RGS5: variants seen among roughly 807,000 people sequenced by gnomAD.
The protein encoded by RGS5 is regulator of G protein signaling 5.
In RGS5, 20 loss-of-function variants were observed where a neutral mutation model predicts 18.9. The ratio of observed to expected loss-of-function variants is 1.06; its 90% CI spans 0.74 to 1.54. The LOEUF (loss-of-function observed/expected upper bound fraction) is 1.54. Among genes scored for constraint, RGS5 ranks in the 40% most tolerant of loss-of-function variants. RGS5 has a pLI of 0.00. For missense variants in RGS5, 201 were observed against 211.8 expected, an observed-to-expected ratio of 0.95 and a Z score of 0.32; for synonymous variants, 57 against 76.2, an observed-to-expected ratio of 0.75 and a Z score of 1.31.
chr1:163,177,925 C>T (rs1289444697), intron 1 of RGS5, among the ~76,000 whole-genome samples: 1 of 152,116 alleles, frequency 6.6e-6, no homozygotes, highest in African/African-American at 2.4e-5. Context: ...ATTTGTTTTC[C>T]AAAACCCCAA....
At chr1:163,273,265 T>C (rs1383013637) in intron 2 of RGS5, among the ~76,000 whole-genome samples, 1 of 152,126 alleles carries the variant, frequency 6.6e-6, no homozygotes, top group Non-Finnish European at 1.5e-5. Context: ...GTTGATAGCA[T>C]TGCTCAAATT....
intron 1 of RGS5, among the ~76,000 whole-genome samples, chr1:163,191,825 T>C (rs1659371041): frequency 1.3e-5 from 2 of 152,178 alleles, no homozygotes; most frequent in Non-Finnish European, 2.9e-5. Context: ...CAAACTATGA[T>C]GAGAAGCTTG....
In RGS5 at chr1:163,144,085, C is replaced by T. The variant is rs1426767615; in HGVS notation, c.*3257G>A. ...ATTCATACAGTAGAGAATTTGAGTA[C>T]ACGGGGTATGGAGAGTAGGGCACAA... On this transcript the variant is annotated 3_prime_UTR_variant, in exon 5 of 5. Transcript: ENST00000313961. 2 of 152,108 alleles carry T rather than the reference C, an allele frequency of 1.3e-5. No homozygotes were observed. The allele number at this position is 152,108 out of a possible 1,614,324, so 9.4% of individuals were successfully genotyped here.
At chr1:163,316,301 A>G (rs1463606852) in intron 1 of RGS5, among the ~76,000 whole-genome samples, 1 of 152,190 alleles carries the variant, frequency 6.6e-6, no homozygotes, top group Non-Finnish European at 1.5e-5. Context: ...TAAAACAATG[A>G]CACTTGTTTG....
At chr1:163,223,873 T>C (rs1345286059) in intron 2 of RGS5, among the ~76,000 whole-genome samples, 1 of 152,208 alleles carries the variant, frequency 6.6e-6, no homozygotes, top group Non-Finnish European at 1.5e-5. Flanking sequence ...TATTTATAGG[T>C]CTGGGAGCAA....
At chr1:163,202,265 A>G (rs1659800092) in intron 1 of RGS5, among the ~76,000 whole-genome samples, 1 of 152,170 alleles carries the variant, frequency 6.6e-6, no homozygotes, top group Non-Finnish European at 1.5e-5. Context: ...TAACATTTAT[A>G]CAGTCTACTA....
chr1:163,229,403 C>T (rs1238250703), intron 2 of RGS5, among the ~76,000 whole-genome samples: 2 of 152,194 alleles, frequency 1.3e-5, no homozygotes, highest in Non-Finnish European at 2.9e-5. Flanking sequence ...TTACCTCCAC[C>T]TGGTCCTGCC....
chr1:163,226,345 T>C (rs937134867), intron 2 of RGS5, among the ~76,000 whole-genome samples: 1 of 152,138 alleles, frequency 6.6e-6, no homozygotes, highest in African/African-American at 2.4e-5. Context: ...ATCACTAGGG[T>C]AGAAACTGCA....
intron 4 of RGS5, among the ~76,000 whole-genome samples, chr1:163,147,926 T>C (rs1197304666): frequency 8.0e-6 from 1 of 125,684 alleles, no homozygotes; most frequent in African/African-American, 3.1e-5. Context: ...TTCTTTTTTT[T>C]TTTTTTTTTT....
intron 2 of RGS5, among the ~76,000 whole-genome samples, chr1:163,293,511 T>C (rs1164474089): frequency 1.3e-5 from 2 of 152,078 alleles, no homozygotes; most frequent in African/African-American, 2.4e-5. Flanking sequence ...CCTTGACACT[T>C]AGGGGTTAAA....
intron 2 of RGS5, among the ~76,000 whole-genome samples, chr1:163,275,351 G>A (rs1648826989): frequency 6.6e-6 from 1 of 152,132 alleles, no homozygotes; most frequent in South Asian, 2.1e-4. Flanking sequence ...ACTGTTAAAT[G>A]TCTGGCAAAT....
chr1:163,198,390 G>A (rs1318397884), intron 1 of RGS5, among the ~76,000 whole-genome samples: 1 of 151,940 alleles, frequency 6.6e-6, no homozygotes, highest in East Asian at 1.9e-4. Flanking sequence ...AGGGCTTGTA[G>A]CTCTTTAAAA....
At chr1:163,193,564 G>A (rs1659442279) in intron 1 of RGS5, among the ~76,000 whole-genome samples, 1 of 152,066 alleles carries the variant, frequency 6.6e-6, no homozygotes, top group Non-Finnish European at 1.5e-5. Context: ...CTATAATTAG[G>A]TTGATCACAC....
In RGS5 at chr1:163,145,978, T is replaced by C. The variant is rs893547717; in HGVS notation, c.*1364A>G. ...AATATCCTCATCTCGATTACCCTCA[T>C]ACATGGCTTAGTTTGATTCTGTTAC... On this transcript the variant is annotated 3_prime_UTR_variant, in exon 5 of 5. Coordinates refer to ENST00000313961, the MANE Select transcript of RGS5 (RefSeq NM_003617.4). The C allele has an allele frequency of 2.6e-5, 4 of 152,218 alleles. No individual in the cohort carries two copies. The highest frequency in any genetic ancestry group is 7.2e-5 in the African/African-American group (3 of 41,462). The allele number at this position is 152,218 out of a possible 1,614,324, so 9.4% of individuals were successfully genotyped here.
intron 1 of RGS5, among the ~76,000 whole-genome samples, chr1:163,201,363 T>C (rs2101660720): frequency 6.6e-6 from 1 of 152,234 alleles, no homozygotes; most frequent in East Asian, 1.9e-4. Context: ...TAGCAATAAA[T>C]AGTATCCACC....
intron 2 of RGS5, chr1:163,267,420 A>G (rs1332247151): frequency 6.6e-6 from 1 of 152,170 alleles, no homozygotes; most frequent in Admixed American, 6.6e-5. Flanking sequence ...AGATAAAGAC[A>G]TGTGAGGGTT....
chr1:163,246,448 G>A (rs1357785981), intron 2 of RGS5, among the ~76,000 whole-genome samples: 2 of 151,664 alleles, frequency 1.3e-5, no homozygotes, highest in African/African-American at 2.4e-5. Context: ...GCGTGCACCT[G>A]TAGTCCCAGC....
intron 1 of RGS5, among the ~76,000 whole-genome samples, chr1:163,315,078 C>T (rs1483426026): frequency 6.6e-6 from 1 of 152,062 alleles, no homozygotes; most frequent in Non-Finnish European, 1.5e-5. Context: ...ACTAATATCT[C>T]AGAAATCACT....
chr1:163,268,414 T>A (rs1648627799), intron 2 of RGS5, among the ~76,000 whole-genome samples: 1 of 152,168 alleles, frequency 6.6e-6, no homozygotes, highest in South Asian at 2.1e-4. Context: ...AAATCTCTGT[T>A]GACTATGTCT....
Sources: allele counts gnomAD v4.1 joint callset (sites outside exome capture counted in the v4.1 genomes callset), GRCh38; gene constraint gnomAD v4.1.1; transcripts MANE v1.5; gene names NCBI Gene and HGNC (gene_info 2026-07-23, HGNC 2026-07-21).